Variants in RAI1 observed in about 807,000 individuals in gnomAD.
RAI1 encodes the protein retinoic acid-induced protein 1.
RAI1 carries 9 observed loss-of-function variants against 123.8 expected under a neutral mutation model. That is an observed-to-expected ratio of 0.07 (90% CI 0.04 to 0.13). The LOEUF is 0.13. RAI1 is among the 10% of genes least tolerant of loss of function. The pLI, the probability that RAI1 is intolerant of heterozygous loss-of-function variation, is 1.00. For synonymous variants in RAI1, 1,231 were observed against 1,127.3 expected, an observed-to-expected ratio of 1.09 and a Z score of -1.84; for missense variants, 2,256 against 2,545.8, an observed-to-expected ratio of 0.89 and a Z score of 2.45.
chr17:17,802,700 C>T (rs1045751833), intron 3 of RAI1, among the ~76,000 whole-genome samples: 20 of 152,020 alleles, frequency 1.3e-4, no homozygotes, highest in African/African-American at 4.6e-4. Context: ...GGCGTGAACC[C>T]GGGAGGCGGA....
chr17:17,681,713 G>T lies in RAI1; in HGVS notation c.-229G>T. 1 of 314,090 alleles carries T rather than the reference G, an allele frequency of 3.2e-6. No homozygotes were observed. Among genetic ancestry groups the T allele is most frequent in the Non-Finnish European group, 5.8e-6 (1 of 171,514 alleles). 19.5% of individuals were successfully genotyped at this position (314,090 alleles called of 1,614,324 possible). A position where few individuals can be genotyped will look rare whatever the true frequency, so the allele number is the denominator to read the frequency against. ...CGGGCCGGCCGGGCCGCCGCGCCCC[G>T]ACCCCCATGGCCACCCAGGCCTCCG... On this transcript the variant is annotated 5_prime_UTR_variant, in exon 1 of 6. Coordinates refer to ENST00000353383, the MANE Select transcript of RAI1 (RefSeq NM_030665.4).
rs1443972621 is a variant in RAI1 at position 17,801,840 on chromosome 17, C to T, written c.5566-1916C>T. ...GGGTCAGAGACCAGCCTGGAGCCCT[C>T]GGGCAGGTTACTCAGCCTCAGCTCT... is the stretch of plus-strand genomic sequence containing the variant. On this transcript the variant is annotated intron_variant, in intron 3 of 5. Coordinates refer to ENST00000353383, the MANE Select transcript of RAI1 (RefSeq NM_030665.4). This position sits in a 1 kb window ranked among gnomAD's most constrained non-coding sequence, Gnocchi z 4.1. Among the ~76,000 whole-genome samples, 3 of 152,210 alleles carry T rather than the reference C, an allele frequency of 2.0e-5. No individual in the cohort carries two copies. The highest frequency in any genetic ancestry group is 2.1e-4 in the South Asian group (1 of 4,830).
chr17:17,692,852 T>C (rs963537168), intron 1 of RAI1, among the ~76,000 whole-genome samples: 17 of 152,116 alleles, frequency 1.1e-4, no homozygotes, highest in Non-Finnish European at 2.5e-4. Context: ...AGGAGGTCCT[T>C]GGGCCACCCA....
At chr17:17,755,194 C>A (rs2030386655) in intron 2 of RAI1, among the ~76,000 whole-genome samples, 4 of 152,242 alleles carry the variant, frequency 2.6e-5, no homozygotes, top group African/African-American at 9.6e-5. Flanking sequence ...ACCCCAAGAG[C>A]CTGGCAGCAC....
At chr17:17,748,326 C>G (rs952430985) in intron 2 of RAI1, among the ~76,000 whole-genome samples, 1 of 152,182 alleles carries the variant, frequency 6.6e-6, no homozygotes, top group Non-Finnish European at 1.5e-5. Flanking sequence ...TAAAAAGGCA[C>G]TTAAACTCAA....
At position 17,705,379 on chromosome 17, in the gene RAI1, G is replaced by A. The variant is rs112745961; in HGVS notation, c.-148-18649G>A. ...GTGCAGTGGGTCACGCCTGTAATCCGAGCACTCTGGGAGCCCAAGGCAGGC... is the reference window on the plus strand; with the variant it reads ...GTGCAGTGGGTCACGCCTGTAATCCAAGCACTCTGGGAGCCCAAGGCAGGC... On this transcript the variant is annotated intron_variant, in intron 1 of 5. Coordinates refer to ENST00000353383, the MANE Select transcript of RAI1 (RefSeq NM_030665.4). 9.7e-3 allele frequency among the ~76,000 whole-genome samples: 1,467 copies of A among 151,560 alleles called. 24 individuals are homozygous for A. Among genetic ancestry groups the A allele is most frequent in the African/African-American group, 0.034 (1,386 of 41,260 alleles).
chr17:17,709,536 A>T (rs959751233), intron 1 of RAI1, among the ~76,000 whole-genome samples: 4 of 152,026 alleles, frequency 2.6e-5, no homozygotes, highest in African/African-American at 9.7e-5. Flanking sequence ...CCCAAAATAC[A>T]TGTCACAGTG....
At chr17:17,763,145 C>T (rs2030777232) in intron 2 of RAI1, among the ~76,000 whole-genome samples, 1 of 152,134 alleles carries the variant, frequency 6.6e-6, no homozygotes, top group South Asian at 2.1e-4. Context: ...TCCTTCCCTG[C>T]ATCCCCCCGC....
chr17:17,725,065 G>A lies in RAI1; in HGVS notation c.-17+906G>A, dbSNP rs1201575736. Among the ~76,000 whole-genome samples the A allele has an allele frequency of 3.3e-5, 5 of 152,008 alleles. No individual in the cohort carries two copies. In the East Asian group the frequency reaches 7.7e-4, roughly 24 times the overall value. On this transcript the variant is annotated intron_variant, in intron 2 of 5. Coordinates refer to ENST00000353383, the MANE Select transcript of RAI1 (RefSeq NM_030665.4). ...CCCTGGGCCTCGGGCAGGGGGAGGG[G>A]GCTCCTGGGGGAGGGGCTTGTTTTG...
At chr17:17,754,785 A>C (rs1041454695) in intron 2 of RAI1, among the ~76,000 whole-genome samples, 2 of 152,238 alleles carry the variant, frequency 1.3e-5, no homozygotes, top group Admixed American at 6.5e-5. Flanking sequence ...GGTTAGGAAG[A>C]TAGGGCAAGG....
intron 1 of RAI1, among the ~76,000 whole-genome samples, chr17:17,721,086 C>A (rs937498740): frequency 6.6e-6 from 1 of 152,122 alleles, no homozygotes; most frequent in Non-Finnish European, 1.5e-5. Context: ...ACTCACTGAG[C>A]GACCTGGAAT....
chr17:17,804,654 G>A (rs2032561366), intron 4 of RAI1, among the ~76,000 whole-genome samples: 1 of 151,672 alleles, frequency 6.6e-6, no homozygotes, highest in Non-Finnish European at 1.5e-5. Flanking sequence ...GTGGTGGGGG[G>A]TGGGGTGGTT....
rs1161321328 is a variant in RAI1, at chr17:17,808,404, ATT to A, written c.5660-983_5660-982del. 1.3e-3 allele frequency among the ~76,000 whole-genome samples: 137 copies of A among 103,114 alleles called. 2 individuals are homozygous for A. Among genetic ancestry groups the A allele is most frequent in the African/African-American group, 5.9e-3 (126 of 21,528 alleles). The allele number at this position is 103,114 out of a possible 152,430, so 67.6% of individuals were successfully genotyped here. A position where few individuals can be genotyped will look rare whatever the true frequency, so the allele number is the denominator to read the frequency against. The stretch of plus-strand genomic sequence containing the variant: ...TTATTTTATTATTTTATTTTATTTT[ATT>A]TTATTTTATTATTTTATTTTATTTT... On this transcript the variant is annotated intron_variant, in intron 4 of 5. Transcript: ENST00000353383.
intron 2 of RAI1, among the ~76,000 whole-genome samples, chr17:17,774,161 G>A (rs1042175240): frequency 2.0e-5 from 3 of 152,216 alleles, no homozygotes; most frequent in Admixed American, 1.3e-4. Flanking sequence ...AATTAGCCCC[G>A]AGGATGCTGA....
intron 1 of RAI1, among the ~76,000 whole-genome samples, chr17:17,689,369 C>G (rs72836876): frequency 3.9e-5 from 6 of 152,278 alleles, no homozygotes; most frequent in Non-Finnish European, 8.8e-5. Context: ...CAGGTCAAGG[C>G]AGATGGATTG....
chr17:17,717,070 G>C (rs577586053), intron 1 of RAI1, among the ~76,000 whole-genome samples: 2 of 152,322 alleles, frequency 1.3e-5, no homozygotes, highest in East Asian at 3.9e-4. Flanking sequence ...GGAAGAGGCT[G>C]GGAGTCAGTC....
intron 1 of RAI1, among the ~76,000 whole-genome samples, chr17:17,698,481 C>A (rs1915107984): frequency 6.6e-6 from 1 of 152,222 alleles, no homozygotes; most frequent in South Asian, 2.1e-4. Flanking sequence ...TCGGTCTCCC[C>A]CTCCCCCCAC....
intron 2 of RAI1, among the ~76,000 whole-genome samples, chr17:17,770,153 G>A (rs1449356395): frequency 6.6e-6 from 1 of 151,606 alleles, no homozygotes; most frequent in Non-Finnish European, 1.5e-5. Flanking sequence ...CTCCACTGCA[G>A]CCATCCTGAG....
rs973508298 is a variant in RAI1 at position 17,800,618 on chromosome 17, G to A, written c.5565+2105G>A. Among the ~76,000 whole-genome samples, 5 of 152,236 alleles carry A rather than the reference G, an allele frequency of 3.3e-5. No individual in the cohort carries two copies. Among genetic ancestry groups the A allele is most frequent in the Admixed American group, 1.3e-4 (2 of 15,278 alleles). On this transcript the variant is annotated intron_variant, in intron 3 of 5. Coordinates refer to ENST00000353383, the MANE Select transcript of RAI1 (RefSeq NM_030665.4). The surrounding 1 kb of genome is among the most constrained non-coding windows in gnomAD (Gnocchi z 4.7). ...AGAGGCGCTAGCTTCCCTACACCAC[G>A]CGGGGGCTGGAACTTGCCAGCCCAG...
Sources: gnomAD v4.1 joint callset for allele counts (sites outside exome capture counted in the v4.1 genomes callset) on GRCh38, gnomAD v4.1.1 for gene constraint, Gnocchi (gnomAD v3.1) non-coding constraint, MANE v1.5 for transcripts, NCBI Gene and HGNC (gene_info 2026-07-23, HGNC 2026-07-21) for gene names.